NAT10: variants seen among roughly 807,000 people sequenced by gnomAD.
NAT10 encodes the protein N-acetyltransferase 10, also known as RNA cytidine acetyltransferase.
A neutral mutation model predicts 132.2 loss-of-function variants in NAT10; 109 were observed. That is an observed-to-expected ratio of 0.82 (90% confidence interval 0.71 to 0.97). NAT10 has a LOEUF of 0.97. NAT10 is among the 50% of genes least tolerant of loss of function. NAT10 has a pLI of 0.00. For synonymous variants in NAT10, 479 were observed against 478.0 expected (o/e 1.00, Z -0.03); for missense variants, 1,184 against 1,263.4 (o/e 0.94, Z 0.95).
rs1852104023 is a variant in NAT10 at position 34,131,463 on chromosome 11, G to A, written c.1452G>A (p.Leu484=). ...CAGTGGAGAAGTGGCTGAATGACTT[G>A]CTGTGCCTGGATTGCCTCAACATCA... The part of the protein sequence containing the change: ...GDAVEKWLND[L]LCLDCLNITR... Residue 484 remains leucine (L), a synonymous_variant, in exon 14 of 29, where the codon TTG becomes TTA. Transcript: ENST00000257829. The A allele has an allele frequency of 2.5e-6, 4 of 1,614,104 alleles. No homozygotes were observed. The highest frequency in any genetic ancestry group is 3.4e-6 in the Non-Finnish European group (4 of 1,180,020).
chr11:34,136,581 C>T, intron 19 of NAT10, 61 bp from the exon 20 acceptor site: 1 of 1,604,748 alleles, frequency 6.2e-7, no homozygotes. Context: ...CGGCAGGGTG[C>T]TTGACGATGT....
At chr11:34,106,925 CACTTTTACATCTAAGTAGCATGTT>C (rs1851603512) in intron 1 of NAT10, 1 of 151,772 alleles carries the variant, frequency 6.6e-6, no homozygotes, top group African/African-American at 2.4e-5. Context: ...AGTAGCATGT[CACTTTTACATCTAAGTAGCATGTT>C]ACTTTTACAG....
intron 9 of NAT10, among the ~76,000 whole-genome samples, chr11:34,122,979 A>G (rs545372724): frequency 6.6e-6 from 1 of 152,364 alleles, no homozygotes; most frequent in African/African-American, 2.4e-5. Flanking sequence ...GATTAAAAGA[A>G]GCTTTCTTTG....
Position 34,122,444 on chromosome 11 carries a change from T to A in NAT10, c.781-15T>A. 1 of 1,614,046 alleles carries A rather than the reference T, an allele frequency of 6.2e-7. No homozygotes were observed. Among genetic ancestry groups the A allele is most frequent in the Non-Finnish European group, 8.5e-7 (1 of 1,179,958 alleles). On this transcript the variant is annotated splice_polypyrimidine_tract_variant and intron_variant, in intron 8 of 28. Transcript: ENST00000257829. ...TCTTTCTTGGAGTTCACCTAATATG[T>A]TTCTGTTTCCACAGGCCAAAGCTGT... is the stretch of plus-strand genomic sequence containing the variant.
intron 3 of NAT10, among the ~76,000 whole-genome samples, chr11:34,109,336 A>T (rs534004382): frequency 6.6e-6 from 1 of 152,276 alleles, no homozygotes; most frequent in South Asian, 2.1e-4. Context: ...AGATTTTTCT[A>T]TTATCAAAAG....
intron 8 of NAT10, among the ~76,000 whole-genome samples, chr11:34,119,756 C>T (rs1025023113): frequency 7.9e-5 from 12 of 152,212 alleles, no homozygotes; most frequent in Non-Finnish European, 1.8e-4. Flanking sequence ...GGTCATACTA[C>T]AGAGTGTAAG....
chr11:34,142,153 G>T (rs1852346786), intron 26 of NAT10, 122 bp from the exon 27 acceptor site: 2 of 918,534 alleles, frequency 2.2e-6, no homozygotes, highest in Non-Finnish European at 3.4e-6. Context: ...GTTTTTGCAG[G>T]TAGATGGAAG....
At chr11:34,113,892 C>T in intron 5 of NAT10, 54 bp downstream of exon 5, 1 of 1,598,872 alleles carries the variant, frequency 6.3e-7, no homozygotes, top group African/African-American at 1.3e-5. Context: ...TCTGTTTTTG[C>T]TGTGTTCTGC....
intron 18 of NAT10, 132 bp from the exon 19 acceptor site, chr11:34,135,043 C>T: frequency 1.4e-6 from 1 of 711,016 alleles, no homozygotes; most frequent in South Asian, 1.7e-5. Flanking sequence ...TCAGGGTTTT[C>T]ATTGGTTCTC....
intron 4 of NAT10, 63 bp downstream of exon 4, chr11:34,112,286 G>T: frequency 1.9e-6 from 3 of 1,585,500 alleles, no homozygotes; most frequent in Non-Finnish European, 2.6e-6. Context: ...GGGCTGCCTG[G>T]CTTTCCACTG....
chr11:34,123,659 A>G (rs1590768665), intron 9 of NAT10, 103 bp from the exon 10 acceptor site: 1 of 840,640 alleles, frequency 1.2e-6, no homozygotes, highest in Non-Finnish European at 1.8e-6. Flanking sequence ...ACCTCTGGTT[A>G]TCACCTTTGG....
At chr11:34,139,070 AAAG>A (rs1246532413) in intron 21 of NAT10, 118 bp from the exon 22 acceptor site, 3 of 883,460 alleles carry the variant, frequency 3.4e-6, no homozygotes, top group Admixed American at 2.2e-5. Context: ...CCCAGCCTGG[AAAG>A]AAGGAGAGGC....
At chr11:34,133,468 C>G (rs1480656842) in intron 16 of NAT10, among the ~76,000 whole-genome samples, 1 of 152,190 alleles carries the variant, frequency 6.6e-6, no homozygotes, top group Non-Finnish European at 1.5e-5. Context: ...GAATTAGAGG[C>G]TACAGATTGG....
At chr11:34,135,857 G>A (rs1306612730) in intron 19 of NAT10, among the ~76,000 whole-genome samples, 1 of 121,778 alleles carries the variant, frequency 8.2e-6, no homozygotes, top group African/African-American at 3.2e-5. Context: ...CAGCTACTTG[G>A]GATGCTGAGG....
intron 15 of NAT10, 65 bp from the exon 16 acceptor site, chr11:34,132,961 C>A: frequency 2.3e-6 from 3 of 1,325,628 alleles, no homozygotes; most frequent in South Asian, 1.2e-5. Context: ...GGTTCTGAAT[C>A]GAACCTTTTG....
chr11:34,113,601 C>G, intron 4 of NAT10, 115 bp from the exon 5 acceptor site: 1 of 1,277,260 alleles, frequency 7.8e-7, no homozygotes, highest in African/African-American at 1.6e-5. Flanking sequence ...TGCGCCACTG[C>G]ACTCCAGCCT....
At chr11:34,139,541 G>A in intron 23 of NAT10, 46 bp downstream of exon 23, 1 of 1,524,302 alleles carries the variant, frequency 6.6e-7, no homozygotes, top group Non-Finnish European at 9.1e-7. Context: ...TGGCTTGGCT[G>A]TGTGGGAGGT....
Position 34,133,067 on chromosome 11 carries a change from T to C in NAT10, c.1659T>C (p.Ala553=), listed in dbSNP as rs1852133532. 6.2e-7 allele frequency: 1 copy of C among 1,614,196 alleles called. No homozygotes were observed. Among genetic ancestry groups the C allele is most frequent in the Non-Finnish European group, 8.5e-7 (1 of 1,180,026 alleles). ...NDLQMLSDAP[A]HHLFCLLPPV... ...TCCAGATGCTCTCCGATGCACCTGC[T>C]CACCATCTCTTCTGCCTTCTGCCTC... The change falls in exon 16 of 29, where the codon GCT becomes GCC. Residue 553 remains alanine, a synonymous_variant. Transcript: ENST00000257829.
intron 6 of NAT10, among the ~76,000 whole-genome samples, chr11:34,117,375 T>TGGTGGGTGCCGTGGGCATCC (rs1262903929): frequency 5.9e-5 from 9 of 152,078 alleles, no homozygotes; most frequent in Non-Finnish European, 1.3e-4. Context: ...GGGAGGGTGG[T>TGGTGGGTGCCGTGGGCATCC]GGTGGGTGCC....
Sources: allele counts gnomAD v4.1 joint callset (sites outside exome capture counted in the v4.1 genomes callset), GRCh38; gene constraint gnomAD v4.1.1; transcripts MANE v1.5; gene names NCBI Gene and HGNC (gene_info 2026-07-23, HGNC 2026-07-21).